Variants in GNPTAB observed in about 807,000 individuals in gnomAD.
GNPTAB encodes the protein N-acetylglucosamine-1-phosphotransferase subunits alpha/beta.
Under a neutral mutation model 136.6 loss-of-function variants are expected in GNPTAB, and 92 were observed. The observed-to-expected ratio is 0.67, with a 90% confidence interval of 0.57 to 0.80. GNPTAB has a LOEUF of 0.80. Ranked by LOEUF, GNPTAB falls within the 30% of genes least tolerant of loss-of-function variation. The pLI, the probability that GNPTAB is intolerant of heterozygous loss-of-function variation, is 0.00. For missense variants in GNPTAB, 1,343 were observed against 1,501.8 expected, an observed-to-expected ratio of 0.89 and a Z score of 1.75; for synonymous variants, 512 against 535.1, an observed-to-expected ratio of 0.96 and a Z score of 0.60.
chr12:101,765,822 A>G (rs1953083019), intron 12 of GNPTAB: 1 of 439,328 alleles, frequency 2.3e-6, no homozygotes, highest in Non-Finnish European at 4.2e-6. Context: ...TTCCAAATTA[A>G]AACTTCACCA....
At chr12:101,750,334 TCGC>T (rs1220323586) in intron 19 of GNPTAB, among the ~76,000 whole-genome samples, 1 of 152,180 alleles carries the variant, frequency 6.6e-6, no homozygotes, top group Non-Finnish European at 1.5e-5. Flanking sequence ...AAAACGGCAC[TCGC>T]CCACACACAG....
rs1193986566 is a variant in GNPTAB at position 101,830,897 on chromosome 12, G to A, written c.-222C>T. 1 of 147,820 alleles carries A rather than the reference G, an allele frequency of 6.8e-6. No homozygotes were observed. The highest frequency in any genetic ancestry group is 1.5e-5 in the Non-Finnish European group (1 of 66,410). 9.2% of individuals were successfully genotyped at this position (147,820 alleles called of 1,614,324 possible). A position where few individuals can be genotyped will look rare whatever the true frequency, so the allele number is the denominator to read the frequency against. On this transcript the variant is annotated 5_prime_UTR_variant, in exon 1 of 21. Transcript: ENST00000299314. ...AGCCCACGCCCTCGGCGCGGCGGAG[G>A]CGGACCTGCGGCCGGCGAGGCGGCC...
chr12:101,790,114 A>G, intron 2 of GNPTAB, 57 bp from the exon 3 acceptor site: 2 of 1,612,238 alleles, frequency 1.2e-6, no homozygotes, highest in Non-Finnish European at 1.7e-6. Context: ...ATATTTGGTA[A>G]TAAGAATATC....
chr12:101,800,790 A>C (rs1869575878), intron 1 of GNPTAB, among the ~76,000 whole-genome samples: 1 of 151,896 alleles, frequency 6.6e-6, no homozygotes, highest in African/African-American at 2.4e-5. Context: ...AATAAAAAGA[A>C]AACAAAAAAC....
At chr12:101,805,227 G>A (rs1011453730) in intron 1 of GNPTAB, among the ~76,000 whole-genome samples, 22 of 152,142 alleles carry the variant, frequency 1.4e-4, no homozygotes, top group African/African-American at 5.1e-4. Flanking sequence ...CTGAAATGAA[G>A]TTTTGCACAA....
At chr12:101,778,042 G>A (rs1202981174) in intron 7 of GNPTAB, among the ~76,000 whole-genome samples, 1 of 152,146 alleles carries the variant, frequency 6.6e-6, no homozygotes, top group African/African-American at 2.4e-5. Flanking sequence ...ACCACACCTG[G>A]AGCCTGCTGG....
chr12:101,760,843 A>G (rs200935454), intron 15 of GNPTAB, among the ~76,000 whole-genome samples: 2 of 149,094 alleles, frequency 1.3e-5, no homozygotes, highest in African/African-American at 5.0e-5. Flanking sequence ...GCAGTGGCGC[A>G]ATCTTGGCTC....
intron 1 of GNPTAB, among the ~76,000 whole-genome samples, chr12:101,800,692 C>T (rs967424751): frequency 1.3e-5 from 2 of 151,192 alleles, no homozygotes; most frequent in Non-Finnish European, 2.9e-5. Context: ...GCAGGAGAAT[C>T]GCTTGAACCT....
chr12:101,792,707 G>A (rs926315364), intron 2 of GNPTAB, among the ~76,000 whole-genome samples: 14 of 152,108 alleles, frequency 9.2e-5, no homozygotes, highest in Admixed American at 2.6e-4. Flanking sequence ...ACTTTGAACT[G>A]TAAGGAATCC....
chr12:101,800,520 A>T (rs1278459348), intron 1 of GNPTAB, among the ~76,000 whole-genome samples: 1 of 144,756 alleles, frequency 6.9e-6, no homozygotes, highest in African/African-American at 2.6e-5. Context: ...GCACTTTGGG[A>T]GGTCGTGGAG....
chr12:101,769,660 A>G (rs1953141696), intron 10 of GNPTAB, among the ~76,000 whole-genome samples: 1 of 152,072 alleles, frequency 6.6e-6, no homozygotes, highest in Non-Finnish European at 1.5e-5. Context: ...CAGTGGCACA[A>G]TCACAGCTCA....
intron 5 of GNPTAB, 84 bp downstream of exon 5, chr12:101,785,928 G>A (rs1211336713): frequency 2.0e-6 from 2 of 1,002,790 alleles, no homozygotes; most frequent in African/African-American, 3.3e-5. Context: ...ATTTAAGAAT[G>A]AATCATTTCT....
chr12:101,808,006 C>A (rs538846353), intron 1 of GNPTAB, among the ~76,000 whole-genome samples: 1 of 151,904 alleles, frequency 6.6e-6, no homozygotes, highest in Non-Finnish European at 1.5e-5. Flanking sequence ...AGGTTAGCAC[C>A]CCCTGCTAAA....
At chr12:101,779,892 T>C (rs1953314588) in intron 7 of GNPTAB, 2 of 495,528 alleles carry the variant, frequency 4.0e-6, no homozygotes, top group Non-Finnish European at 7.3e-6. Context: ...TGGTTACTAC[T>C]TGGATGGGAG....
chr12:101,825,385 T>C (rs796794525), intron 1 of GNPTAB, among the ~76,000 whole-genome samples: 2 of 152,250 alleles, frequency 1.3e-5, no homozygotes, highest in African/African-American at 2.4e-5. Flanking sequence ...TCAATCACAT[T>C]TGAGAAATAA....
At chr12:101,805,414 G>T (rs865797826) in intron 1 of GNPTAB, among the ~76,000 whole-genome samples, 20 of 152,184 alleles carry the variant, frequency 1.3e-4, no homozygotes, top group African/African-American at 4.6e-4. Flanking sequence ...TTGAGACAGG[G>T]TCTTGCTTTG....
chr12:101,789,652 CTT>C (rs879115772), intron 3 of GNPTAB, among the ~76,000 whole-genome samples: 2 of 152,006 alleles, frequency 1.3e-5, no homozygotes, highest in Admixed American at 6.6e-5. Flanking sequence ...GCCCAACAAA[CTT>C]TTTATTTTTT....
chr12:101,812,978 T>C, intron 1 of GNPTAB, among the ~76,000 whole-genome samples: 1 of 139,146 alleles, frequency 7.2e-6, no homozygotes, highest in South Asian at 2.3e-4. Context: ...TAAGTGTTTT[T>C]TGTGTGTGTT....
intron 1 of GNPTAB, among the ~76,000 whole-genome samples, chr12:101,819,074 C>T (rs1444259318): frequency 8.6e-5 from 13 of 151,816 alleles, no homozygotes; most frequent in Non-Finnish European, 1.3e-4. Flanking sequence ...TGCAATGACA[C>T]GATCTTGGCT....
Sources: gnomAD v4.1 joint callset for allele counts (sites outside exome capture counted in the v4.1 genomes callset) on GRCh38, gnomAD v4.1.1 for gene constraint, MANE v1.5 for transcripts, NCBI Gene and HGNC (gene_info 2026-07-23, HGNC 2026-07-21) for gene names.